Variants in CYFIP2 observed in about 807,000 individuals in gnomAD.
The protein encoded by CYFIP2 is cytoplasmic FMR1 interacting protein 2.
Under a neutral mutation model 158.7 loss-of-function variants are expected in CYFIP2, and 29 were observed. The ratio of observed to expected loss-of-function variants is 0.18; its 90% confidence interval spans 0.14 to 0.25. The LOEUF (loss-of-function observed/expected upper bound fraction) is 0.25, where lower values mean the gene tolerates loss of function less well. CYFIP2 is among the 10% of genes least tolerant of loss of function. The probability of loss-of-function intolerance (pLI) is 1.00; values close to 1 mark genes in which losing one functional copy is unlikely to be tolerated. For missense variants in CYFIP2, 852 were observed against 1,639.5 expected (o/e 0.52, Z 8.29); for synonymous variants, 585 against 617.6 (o/e 0.95, Z 0.78).
intron 21 of CYFIP2, among the ~76,000 whole-genome samples, chr5:157,335,368 C>G (rs1193507811): frequency 6.6e-6 from 1 of 152,172 alleles, no homozygotes; most frequent in Non-Finnish European, 1.5e-5. Context: ...ACCTCTGCCT[C>G]CAGGGTTCAA....
intron 26 of CYFIP2, chr5:157,364,593 C>T (rs540313832): frequency 2.0e-5 from 3 of 152,256 alleles, no homozygotes; most frequent in Non-Finnish European, 1.5e-5. Flanking sequence ...ATATTGATCC[C>T]AGTCCTTGGG....
chr5:157,325,130 G>T (rs1304392650), intron 16 of CYFIP2, among the ~76,000 whole-genome samples: 1 of 152,088 alleles, frequency 6.6e-6, no homozygotes, highest in African/African-American at 2.4e-5. Context: ...ATGAGCCTCT[G>T]CGCCCGGCCA....
In CYFIP2 at chr5:157,282,084, G is replaced by A. The variant is rs1300837667; in HGVS notation, c.-23-3255G>A. ...CAGTCCTCTGTTAATGGATGTATTA[G>A]GCCATTCTTGCACTGCTATAAAGAA... On this transcript the variant is annotated intron_variant, in intron 1 of 30. Coordinates refer to ENST00000620254, the MANE Select transcript of CYFIP2 (RefSeq NM_001037333.3). 2.6e-5 allele frequency among the ~76,000 whole-genome samples: 4 copies of A among 152,140 alleles called. No individual in the cohort carries two copies. The South Asian group carries it at 6.2e-4, about 24-fold the overall frequency.
At chr5:157,285,585 A>C in intron 2 of CYFIP2, 107 bp downstream of exon 2, 1 of 999,174 alleles carries the variant, frequency 1.0e-6, no homozygotes, top group Non-Finnish European at 1.5e-6. Context: ...TAGAAGGTGA[A>C]AGGTTGTGAG....
intron 26 of CYFIP2, among the ~76,000 whole-genome samples, chr5:157,368,902 G>GTTTT (rs57932474): frequency 1.5e-4 from 21 of 143,330 alleles, no homozygotes; most frequent in African/African-American, 3.1e-4. Flanking sequence ...TTGTTTTTTT[G>GTTTT]TTTTTTTTTT....
intron 3 of CYFIP2, among the ~76,000 whole-genome samples, chr5:157,289,591 T>C (rs1561693964): frequency 6.6e-6 from 1 of 152,240 alleles, no homozygotes. Context: ...CACACATCTC[T>C]GGCACCTTCT....
At chr5:157,376,688 A>C (rs1581178837) in intron 26 of CYFIP2, 1 of 237,496 alleles carries the variant, frequency 4.2e-6, no homozygotes, top group African/African-American at 2.3e-5. Context: ...CTTGGGTCTC[A>C]TATAGTCAGA....
chr5:157,286,901 C>A, intron 2 of CYFIP2, 118 bp from the exon 3 acceptor site: 3 of 676,584 alleles, frequency 4.4e-6, no homozygotes, highest in South Asian at 3.4e-5. Flanking sequence ...GGTGACGCAG[C>A]AGGAGGTTTC....
chr5:157,291,301 G>A (rs1260375608), intron 3 of CYFIP2, among the ~76,000 whole-genome samples: 1 of 152,148 alleles, frequency 6.6e-6, no homozygotes. Context: ...GTTAAAAGGT[G>A]GGCCCAAGAA....
intron 11 of CYFIP2, among the ~76,000 whole-genome samples, chr5:157,312,460 A>G (rs1053796554): frequency 6.6e-6 from 1 of 152,196 alleles, no homozygotes; most frequent in African/African-American, 2.4e-5. Flanking sequence ...ATATATATAT[A>G]TCCTTCTGAT....
chr5:157,362,040 T>C (rs1335429431), intron 26 of CYFIP2, among the ~76,000 whole-genome samples: 2 of 152,202 alleles, frequency 1.3e-5, no homozygotes, highest in African/African-American at 4.8e-5. Flanking sequence ...TATAAGTCAT[T>C]GTATGGAGGT....
chr5:157,331,605 G>C (rs1292575329), intron 20 of CYFIP2, among the ~76,000 whole-genome samples: 1 of 152,036 alleles, frequency 6.6e-6, no homozygotes, highest in Non-Finnish European at 1.5e-5. Flanking sequence ...AAATCCAAGG[G>C]AGATGGAGAA....
chr5:157,332,040 G>A (rs1761502954), intron 20 of CYFIP2, among the ~76,000 whole-genome samples: 1 of 152,172 alleles, frequency 6.6e-6, no homozygotes, highest in South Asian at 2.1e-4. Context: ...AAGGCACAAT[G>A]TGGGCCCTTG....
intron 23 of CYFIP2, among the ~76,000 whole-genome samples, chr5:157,351,009 A>G (rs1763030852): frequency 6.6e-6 from 1 of 152,048 alleles, no homozygotes; most frequent in South Asian, 2.1e-4. Context: ...TGACAGTTTG[A>G]TTTCCACTTT....
At chr5:157,271,129 A>G (rs1476306122) in intron 1 of CYFIP2, among the ~76,000 whole-genome samples, 1 of 152,182 alleles carries the variant, frequency 6.6e-6, no homozygotes, top group Non-Finnish European at 1.5e-5. Context: ...GGGCCATGAT[A>G]GATCGGTAAG....
chr5:157,311,538 TG>T lies in CYFIP2; in HGVS notation c.993-123del, dbSNP rs945689851. ...TAGCAGGCTTTCTTGCTGAGGCGGCTGGGATACCATTTGGTGTCACCCAGGG... is the reference window on the plus strand; with the variant it reads ...TAGCAGGCTTTCTTGCTGAGGCGGCTGGATACCATTTGGTGTCACCCAGGG... On this transcript the variant is annotated intron_variant, in intron 10 of 30. Transcript: ENST00000620254. The surrounding 1 kb of genome is among the most constrained non-coding windows in gnomAD (Gnocchi z 4.7). The T allele has an allele frequency of 4.1e-6, 3 of 736,730 alleles. No individual in the cohort carries two copies. Among genetic ancestry groups the T allele is most frequent in the Non-Finnish European group, 4.5e-6 (2 of 440,598 alleles). The allele number at this position is 736,730 out of a possible 1,614,324, so 45.6% of individuals were successfully genotyped here. A position where few individuals can be genotyped will look rare whatever the true frequency, so the allele number is the denominator to read the frequency against.
At chr5:157,291,764 G>A (rs546768612) in intron 3 of CYFIP2, among the ~76,000 whole-genome samples, 1 of 152,172 alleles carries the variant, frequency 6.6e-6, no homozygotes, top group Non-Finnish European at 1.5e-5. Flanking sequence ...GCTGAAAACA[G>A]AACTGTCATA....
rs1018960641 is a variant in CYFIP2 at position 157,361,395 on chromosome 5, C to G, written c.2909-73C>G. 3.1e-6 allele frequency: 5 copies of G among 1,602,648 alleles called. No homozygotes were observed. Among genetic ancestry groups the G allele is most frequent in the African/African-American group, 2.7e-5 (2 of 74,690 alleles). On this transcript the variant is annotated intron_variant, in intron 25 of 30. Coordinates refer to ENST00000620254, the MANE Select transcript of CYFIP2 (RefSeq NM_001037333.3). This position sits in a 1 kb window ranked among gnomAD's most constrained non-coding sequence, Gnocchi z 4.4. ...CCCAGAGTCAGGTCTGGGGCTGCCA[C>G]TCAGTCATTGTTTCCCATAGACCCT...
chr5:157,361,930 GAGC>G lies in CYFIP2; in HGVS notation c.3039+335_3039+337del, dbSNP rs1401958772. Among the ~76,000 whole-genome samples the G allele has an allele frequency of 6.6e-6, 1 of 152,188 alleles. No individual in the cohort carries two copies. The highest frequency in any genetic ancestry group is 1.5e-5 in the Non-Finnish European group (1 of 68,030). On this transcript the variant is annotated intron_variant, in intron 26 of 30. Coordinates refer to ENST00000620254, the MANE Select transcript of CYFIP2 (RefSeq NM_001037333.3). This position sits in a 1 kb window ranked among gnomAD's most constrained non-coding sequence, Gnocchi z 4.4. ...TTCAGAGTACCAAGCAAGGAGAACT[GAGC>G]AGTTCTCTCTTAACACCCCACCTCT... is the stretch of plus-strand genomic sequence containing the variant.
Sources: gnomAD v4.1 joint callset for allele counts (sites outside exome capture counted in the v4.1 genomes callset) on GRCh38, gnomAD v4.1.1 for gene constraint, Gnocchi (gnomAD v3.1) non-coding constraint, MANE v1.5 for transcripts, NCBI Gene and HGNC (gene_info 2026-07-23, HGNC 2026-07-21) for gene names.